The following CTXND1 variants were observed in gnomAD, a reference collection of about 807,000 sequenced individuals.
CTXND1 encodes the protein cortexin domain-containing 1 protein.
intron 1 of CTXND1, among the ~76,000 whole-genome samples, chr15:80,244,003 G>C (rs1308847351): frequency 2.6e-5 from 4 of 152,206 alleles, no homozygotes; most frequent in South Asian, 2.1e-4. Context: ...GAAGTCCACT[G>C]TGGAGCCCAG....
chr15:80,243,159 G>C (rs1450538967), intron 1 of CTXND1, among the ~76,000 whole-genome samples: 1 of 152,142 alleles, frequency 6.6e-6, no homozygotes, highest in African/African-American at 2.4e-5. Context: ...AGTCAGTGCT[G>C]CCAGCCAGGC....
intron 1 of CTXND1, among the ~76,000 whole-genome samples, chr15:80,244,125 C>T (rs192432215): frequency 6.6e-6 from 1 of 152,212 alleles, no homozygotes; most frequent in African/African-American, 2.4e-5. Flanking sequence ...GAAGATCAAC[C>T]AAGCCATTGT....
At chr15:80,218,429 G>A (rs1488967179) in intron 1 of CTXND1, among the ~76,000 whole-genome samples, 3 of 152,060 alleles carry the variant, frequency 2.0e-5, no homozygotes. Flanking sequence ...GTGAGCCACC[G>A]CTCCTGGCCT....
At chr15:80,225,023 C>T (rs1443748081) in intron 1 of CTXND1, among the ~76,000 whole-genome samples, 6 of 152,360 alleles carry the variant, frequency 3.9e-5, no homozygotes, top group South Asian at 2.1e-4. Context: ...GGATTACCGG[C>T]GTGAACACCA....
intron 1 of CTXND1, among the ~76,000 whole-genome samples, chr15:80,220,656 G>A (rs1277415239): frequency 1.3e-5 from 2 of 152,000 alleles, no homozygotes; most frequent in African/African-American, 4.8e-5. Flanking sequence ...ATGATATTGA[G>A]TCTTCCCATT....
intron 1 of CTXND1, among the ~76,000 whole-genome samples, chr15:80,212,135 T>C (rs1447683890): frequency 6.6e-6 from 1 of 152,188 alleles, no homozygotes; most frequent in East Asian, 1.9e-4. Flanking sequence ...TAATTTACAC[T>C]ACAGAGCACC....
chr15:80,225,861 C>T (rs972992171), intron 1 of CTXND1, among the ~76,000 whole-genome samples: 2 of 152,146 alleles, frequency 1.3e-5, no homozygotes, highest in African/African-American at 4.8e-5. Flanking sequence ...TGGTTATCCT[C>T]ATTTTTTTTT....
intron 1 of CTXND1, among the ~76,000 whole-genome samples, chr15:80,224,472 T>C (rs1328869759): frequency 6.6e-6 from 1 of 152,232 alleles, no homozygotes; most frequent in Non-Finnish European, 1.5e-5. Flanking sequence ...ATTCTAACTC[T>C]ATTTAAGTCT....
chr15:80,241,346 C>T lies in CTXND1; in HGVS notation c.-218+10661G>A, dbSNP rs114229182. On this transcript the variant is annotated intron_variant, in intron 1 of 2. Transcript: ENST00000560778. Reference sequence around the variant, plus strand: ...CTTTTCTCATATATTATTCTCCAAACGCTGGGCTTCTCAAATGAAATAGGA... The same window carrying T: ...CTTTTCTCATATATTATTCTCCAAATGCTGGGCTTCTCAAATGAAATAGGA... 4.8e-3 allele frequency among the ~76,000 whole-genome samples: 734 copies of T among 152,148 alleles called. 8 individuals carry two copies. The highest frequency in any genetic ancestry group is 0.017 in the African/African-American group (687 of 41,562).
intron 1 of CTXND1, among the ~76,000 whole-genome samples, chr15:80,204,669 ATATAC>A (rs1567127826): frequency 3.7e-5 from 5 of 135,666 alleles, no homozygotes; most frequent in Non-Finnish European, 7.8e-5. Context: ...ATATATATAT[ATATAC>A]CACATTTTGT....
At chr15:80,242,049 AC>A (rs1174200128) in intron 1 of CTXND1, among the ~76,000 whole-genome samples, 1 of 152,332 alleles carries the variant, frequency 6.6e-6, no homozygotes, top group East Asian at 1.9e-4. Context: ...CAGAGAGGCT[AC>A]CTGGTCTGGA....
At chr15:80,223,110 C>T (rs984067908) in intron 1 of CTXND1, among the ~76,000 whole-genome samples, 2 of 152,114 alleles carry the variant, frequency 1.3e-5, no homozygotes, top group Non-Finnish European at 2.9e-5. Flanking sequence ...CAGAGTTTTG[C>T]TCTTGTTGCC....
At position 80,201,752 on chromosome 15, in the gene CTXND1, C is replaced by A; in HGVS notation, c.*18G>T. On this transcript the variant is annotated 3_prime_UTR_variant, in exon 3 of 3. Transcript: ENST00000560778. ...CCACCCACAGAGCGCCAGGTCCAGT[C>A]CCCACAGCCGCTGTGCCTCAGTCGT... The A allele has an allele frequency of 2.5e-6, 1 of 398,762 alleles. No individual in the cohort carries two copies. Among genetic ancestry groups the A allele is most frequent in the South Asian group, 1.3e-4 (1 of 7,788 alleles). 24.7% of individuals were successfully genotyped at this position (398,762 alleles called of 1,614,324 possible).
chr15:80,226,306 G>T (rs981942310), intron 1 of CTXND1, among the ~76,000 whole-genome samples: 1 of 152,162 alleles, frequency 6.6e-6, no homozygotes, highest in Admixed American at 6.5e-5. Flanking sequence ...CTGCTGCTGA[G>T]GTCTCAGGAG....
At chr15:80,238,008 C>CAAAAAAAAAAA (rs57718635) in intron 1 of CTXND1, among the ~76,000 whole-genome samples, 6 of 77,076 alleles carry the variant, frequency 7.8e-5, no homozygotes, top group Admixed American at 1.5e-4. Context: ...GACTCCATCT[C>CAAAAAAAAAAA]AAAAAAAAAA....
intron 1 of CTXND1, among the ~76,000 whole-genome samples, chr15:80,210,099 C>T (rs1893189946): frequency 6.6e-6 from 1 of 152,118 alleles, no homozygotes; most frequent in Non-Finnish European, 1.5e-5. Context: ...GGAATTTTGC[C>T]CCTGATCATC....
At chr15:80,204,146 C>CAAA (rs1173053524) in intron 1 of CTXND1, among the ~76,000 whole-genome samples, 40 of 2,146 alleles carry the variant, frequency 0.019, 12 homozygotes, top group Non-Finnish European at 0.033. Context: ...GACTGTGTCT[C>CAAA]AAAAAAAAAA....
At chr15:80,240,832 C>A (rs1443318993) in intron 1 of CTXND1, among the ~76,000 whole-genome samples, 1 of 152,190 alleles carries the variant, frequency 6.6e-6, no homozygotes, top group Non-Finnish European at 1.5e-5. Flanking sequence ...TATAACCAGG[C>A]AGCCATATGA....
rs2041421639 is a variant in CTXND1, at chr15:80,196,587, C to G, written c.*5183G>C. ...ATTTAAGTTGCAGGAGGGAGTGGGA[C>G]TAAATTGCTATCACCCCCAGACAAT... On this transcript the variant is annotated 3_prime_UTR_variant, in exon 3 of 3. Coordinates refer to ENST00000560778, the MANE Select transcript of CTXND1 (RefSeq NM_001352888.2). The G allele has an allele frequency of 1.3e-5, 2 of 152,178 alleles. No individual in the cohort carries two copies. The highest frequency in any genetic ancestry group is 4.1e-4 in the South Asian group (2 of 4,824). 9.4% of individuals were successfully genotyped at this position (152,178 alleles called of 1,614,324 possible).
Sources: allele counts gnomAD v4.1 joint callset (sites outside exome capture counted in the v4.1 genomes callset), GRCh38; gene constraint gnomAD v4.1.1; transcripts MANE v1.5; gene names NCBI Gene and HGNC (gene_info 2026-07-23, HGNC 2026-07-21).